Variants in RBFOX3 observed in about 807,000 individuals in gnomAD.
The protein encoded by RBFOX3 is RNA binding fox-1 homolog 3.
A neutral mutation model predicts 48.7 loss-of-function variants in RBFOX3; 17 were observed. The ratio of observed to expected loss-of-function variants is 0.35; its 90% CI spans 0.24 to 0.52. RBFOX3 has a LOEUF of 0.52. Among genes scored for constraint, RBFOX3 ranks in the 20% least tolerant of loss-of-function variants. RBFOX3 has a pLI of 0.94. For synonymous variants in RBFOX3, 212 were observed against 209.5 expected, an observed-to-expected ratio of 1.01 and a Z score of -0.10; for missense variants, 382 against 497.5, an observed-to-expected ratio of 0.77 and a Z score of 2.21.
intron 3 of RBFOX3, among the ~76,000 whole-genome samples, chr17:79,270,855 A>G (rs1299503219): frequency 2.6e-5 from 4 of 152,264 alleles, no homozygotes; most frequent in South Asian, 2.1e-4. Flanking sequence ...ACTACACGCC[A>G]TCTTCATCCC....
At chr17:79,384,861 G>A (rs984061290) in intron 2 of RBFOX3, among the ~76,000 whole-genome samples, 2 of 152,238 alleles carry the variant, frequency 1.3e-5, no homozygotes, top group African/African-American at 4.8e-5. Flanking sequence ...GCGGCAAAAC[G>A]CATCTTCCGG....
chr17:79,242,852 G>A lies in RBFOX3; in HGVS notation c.-73-7047C>T, dbSNP rs944384383. ...TCCTCTCCCAGGAAGCCCGGGCAGG[G>A]CTCCACAGCAACCTGCCTGGAGTCC... On this transcript the variant is annotated intron_variant, in intron 3 of 14. Coordinates refer to ENST00000693108, the MANE Select transcript of RBFOX3 (RefSeq NM_001350451.2). The surrounding 1 kb of genome is among the most constrained non-coding windows in gnomAD (Gnocchi z 5.8). Among the ~76,000 whole-genome samples, 4 of 152,142 alleles carry A rather than the reference G, an allele frequency of 2.6e-5. No individual in the cohort carries two copies. The highest frequency in any genetic ancestry group is 5.9e-5 in the Non-Finnish European group (4 of 68,004).
chr17:79,247,416 G>A (rs2063334308), intron 3 of RBFOX3, among the ~76,000 whole-genome samples: 1 of 146,650 alleles, frequency 6.8e-6, no homozygotes, highest in South Asian at 2.2e-4. Context: ...AGGTTCAAAT[G>A]GTTTTCCTGT....
At chr17:79,644,260 G>A in the RBFOX3 span, among the ~76,000 whole-genome samples, 2 of 148,466 alleles carry the variant, frequency 1.3e-5, no homozygotes, top group South Asian at 4.4e-4. Flanking sequence ...AACATTCAAA[G>A]AAGAAATAAT....
At chr17:79,542,264 C>T (rs781999443) in intron 1 of RBFOX3, among the ~76,000 whole-genome samples, 8 of 152,300 alleles carry the variant, frequency 5.3e-5, no homozygotes, top group East Asian at 1.9e-4. Context: ...CAAAAGGCAG[C>T]GGCTTCACCC....
the RBFOX3 span, among the ~76,000 whole-genome samples, chr17:79,654,559 A>G: frequency 0.14 from 21,260 of 152,224 alleles, 2,048 homozygotes; most frequent in African/African-American, 0.27. Context: ...TCAAATAGAC[A>G]TGGGCACCAA....
chr17:79,360,826 C>CT (rs71365558), intron 2 of RBFOX3, among the ~76,000 whole-genome samples: 33,130 of 145,564 alleles, frequency 0.23, 3,747 homozygotes, highest in East Asian at 0.34. Context: ...GATCAAATTC[C>CT]TTTTTTTTTT....
rs1201055787 is a variant in RBFOX3, at chr17:79,095,527, T to A, written c.984A>T (p.Ala328=). The A allele has an allele frequency of 1.3e-5, 20 of 1,551,150 alleles. No homozygotes were observed. The highest frequency in any genetic ancestry group is 1.7e-4 in the Middle Eastern group (1 of 6,012). The change falls in exon 13 of 15, where the codon GCA becomes GCT. Residue 328 remains alanine, a synonymous_variant. Transcript: ENST00000693108. ...YRYAQPAAAA[A]AYSDSYGRVY... The stretch of plus-strand genomic sequence containing the variant: ...CCCGGCCTCACCTGTCGCTGTAGGC[T>A]GCCGCCGCTGCAGCGGGCTGAGCGT...
chr17:79,118,843 G>A (rs2034863227), intron 4 of RBFOX3, among the ~76,000 whole-genome samples: 1 of 151,536 alleles, frequency 6.6e-6, no homozygotes, highest in African/African-American at 2.4e-5. Context: ...CAGGTGTGGT[G>A]GCACATGCCT....
Position 79,254,250 on chromosome 17 carries a change from G to A in RBFOX3, c.-73-18445C>T, listed in dbSNP as rs1453773782. On this transcript the variant is annotated intron_variant, in intron 3 of 14. Transcript: ENST00000693108. The surrounding 1 kb of genome is among the most constrained non-coding windows in gnomAD (Gnocchi z 4.8). The stretch of plus-strand genomic sequence containing the variant: ...CAGATGTCCTGGCTTCAGGGAGCAG[G>A]GCCCCTGAGGTCTGGAAGAGGCCAG... Among the ~76,000 whole-genome samples, 1 of 152,166 alleles carries A rather than the reference G, an allele frequency of 6.6e-6. No individual in the cohort carries two copies. Among genetic ancestry groups the A allele is most frequent in the Non-Finnish European group, 1.5e-5 (1 of 68,002 alleles).
intron 2 of RBFOX3, among the ~76,000 whole-genome samples, chr17:79,338,574 TATTA>T (rs1396322859): frequency 2.0e-5 from 3 of 152,308 alleles, no homozygotes; most frequent in South Asian, 4.2e-4. Context: ...AGAACTTATT[TATTA>T]AAGACTTCCT....
intron 4 of RBFOX3, among the ~76,000 whole-genome samples, chr17:79,231,334 G>T (rs963196378): frequency 2.1e-4 from 32 of 152,304 alleles, no homozygotes; most frequent in African/African-American, 7.7e-4. Context: ...ACAGCACTGG[G>T]CACCCTCACA....
chr17:79,389,058 C>A (rs1675123128), intron 2 of RBFOX3, among the ~76,000 whole-genome samples: 1 of 152,192 alleles, frequency 6.6e-6, no homozygotes, highest in South Asian at 2.1e-4. Flanking sequence ...TCCACACTGA[C>A]CATGAATGAG....
chr17:79,164,329 G>A (rs745787176), intron 4 of RBFOX3, among the ~76,000 whole-genome samples: 1 of 152,194 alleles, frequency 6.6e-6, no homozygotes, highest in Non-Finnish European at 1.5e-5. Context: ...CTTCCTGTGG[G>A]CAGCACCGTG....
At chr17:79,341,424 A>T (rs1396582297) in intron 2 of RBFOX3, among the ~76,000 whole-genome samples, 2 of 152,150 alleles carry the variant, frequency 1.3e-5, no homozygotes, top group Admixed American at 6.5e-5. Context: ...CCCATTATTC[A>T]TATACCTATC....
intron 3 of RBFOX3, among the ~76,000 whole-genome samples, chr17:79,281,710 T>C (rs942869000): frequency 3.9e-5 from 6 of 152,226 alleles, no homozygotes; most frequent in African/African-American, 7.2e-5. Context: ...TCACACCCAA[T>C]GGTGTATGCA....
intron 1 of RBFOX3, among the ~76,000 whole-genome samples, chr17:79,596,792 T>C (rs2093581294): frequency 2.0e-5 from 3 of 152,206 alleles, no homozygotes; most frequent in African/African-American, 4.8e-5. Context: ...GAAAGTGCTA[T>C]GGGAAGCAGG....
At chr17:79,092,959 G>C (rs1048843888) in intron 14 of RBFOX3, among the ~76,000 whole-genome samples, 1 of 151,886 alleles carries the variant, frequency 6.6e-6, no homozygotes, top group Admixed American at 6.6e-5. Context: ...TTATGCAGAG[G>C]GGGGGTCCCA....
At chr17:79,415,431 C>T (rs764263820) in intron 2 of RBFOX3, among the ~76,000 whole-genome samples, 8 of 152,310 alleles carry the variant, frequency 5.3e-5, no homozygotes, top group South Asian at 2.1e-4. Context: ...CCCCTGAGGC[C>T]GACCCTAGCG....
Sources: allele counts gnomAD v4.1 joint callset (sites outside exome capture counted in the v4.1 genomes callset), GRCh38; gene constraint gnomAD v4.1.1; non-coding constraint Gnocchi (gnomAD v3.1); transcripts MANE v1.5; gene names NCBI Gene and HGNC (gene_info 2026-07-23, HGNC 2026-07-21).